The following TEX36 variants were observed in gnomAD, a reference collection of about 807,000 sequenced individuals.
The protein encoded by TEX36 is testis-expressed protein 36.
TEX36 carries 12 observed loss-of-function variants against 13.6 expected under a neutral mutation model. That is an observed-to-expected ratio of 0.88 (90% CI 0.56 to 1.43). The LOEUF is 1.43. Among genes scored for constraint, TEX36 ranks in the 40% most tolerant of loss-of-function variants. TEX36 has a pLI of 0.00. For missense variants in TEX36, 224 were observed against 228.3 expected, an observed-to-expected ratio of 0.98 and a Z score of 0.12; for synonymous variants, 93 against 83.0, an observed-to-expected ratio of 1.12 and a Z score of -0.65.
intron 3 of TEX36, among the ~76,000 whole-genome samples, chr10:125,646,215 A>G: frequency 6.6e-6 from 1 of 152,134 alleles, no homozygotes; most frequent in Non-Finnish European, 1.5e-5. Flanking sequence ...AGTTCCAGCT[A>G]CTTGGGAGGC....
At chr10:125,599,395 A>ATG (rs1846118868) in intron 3 of TEX36, among the ~76,000 whole-genome samples, 2 of 152,114 alleles carry the variant, frequency 1.3e-5, no homozygotes, top group Admixed American at 1.3e-4. Flanking sequence ...GTGTGTGCAT[A>ATG]TGTGTGTGTG....
chr10:125,576,543 C>A, exon 4 of TEX36: 1 of 634,136 alleles, frequency 1.6e-6, no homozygotes, highest in Non-Finnish European at 2.6e-6. Flanking sequence ...AGGGAGATAG[C>A]CCTATTAATA....
downstream of TEX36, among the ~76,000 whole-genome samples, chr10:125,651,754 T>A (rs1443089577): frequency 6.6e-6 from 1 of 152,184 alleles, no homozygotes; most frequent in Non-Finnish European, 1.5e-5. Context: ...AACCCCATCA[T>A]CTCAGCCCAA....
intron 3 of TEX36, among the ~76,000 whole-genome samples, chr10:125,588,443 C>T (rs1314992353): frequency 6.6e-6 from 1 of 152,206 alleles, no homozygotes; most frequent in African/African-American, 2.4e-5. Flanking sequence ...CACAGTTCTG[C>T]AGGCTCTACA....
chr10:125,660,383 C>A (rs984315448), intron 3 of TEX36, among the ~76,000 whole-genome samples: 1 of 152,164 alleles, frequency 6.6e-6, no homozygotes, highest in Non-Finnish European at 1.5e-5. Flanking sequence ...CCTCAGCCTC[C>A]CAAACTGCTG....
At chr10:125,612,817 A>C (rs1362766326) in intron 3 of TEX36, among the ~76,000 whole-genome samples, 6 of 151,922 alleles carry the variant, frequency 3.9e-5, no homozygotes, top group Non-Finnish European at 7.4e-5. Context: ...AGGAAAAAAA[A>C]AAACTATATA....
chr10:125,646,349 C>CA (rs1266448279), intron 3 of TEX36, among the ~76,000 whole-genome samples: 1 of 151,782 alleles, frequency 6.6e-6, no homozygotes, highest in Non-Finnish European at 1.5e-5. Context: ...CAAAATAAAA[C>CA]AAAAAATAAA....
downstream of TEX36, among the ~76,000 whole-genome samples, chr10:125,618,856 T>C (rs914016261): frequency 6.9e-6 from 1 of 144,878 alleles, no homozygotes. Context: ...CCTGTAATCC[T>C]AGCACTTTGG....
chr10:125,589,377 CA>C (rs1845995918), intron 3 of TEX36, among the ~76,000 whole-genome samples: 2 of 152,098 alleles, frequency 1.3e-5, no homozygotes. Flanking sequence ...TTAGAATTTC[CA>C]GAAAAGCATT....
Position 125,655,964 on chromosome 10 carries a change from A to G in TEX36, c.497T>C (p.Leu166Ser). Residue 166 changes from leucine (L) to serine (S), a missense_variant, in exon 4 of 4, where the codon TTG becomes TCG. By Grantham distance (145) the Leu-to-Ser change is moderately radical. Coordinates refer to ENST00000368821, the MANE Select transcript of TEX36 (RefSeq NM_001128202.3). ...FLPERSYTEV[L>S]KKKPKVRFTV... The stretch of plus-strand genomic sequence containing the variant: ...GAACCTTACTTTGGGCTTCTTTTTC[A>G]AAACCTCTGTATAGCTTCTCTCAGG... The G allele has an allele frequency of 6.5e-7, 1 of 1,549,162 alleles. No homozygotes were observed. Among genetic ancestry groups the G allele is most frequent in the Non-Finnish European group, 8.7e-7 (1 of 1,145,836 alleles).
intron 3 of TEX36, among the ~76,000 whole-genome samples, chr10:125,640,912 T>C (rs1846681097): frequency 6.6e-6 from 1 of 152,036 alleles, no homozygotes; most frequent in Admixed American, 6.5e-5. Flanking sequence ...CAACAGAACA[T>C]ATGGGAAGCC....
chr10:125,588,105 G>A (rs185013662), intron 3 of TEX36, among the ~76,000 whole-genome samples: 1 of 152,322 alleles, frequency 6.6e-6, no homozygotes, highest in Admixed American at 6.5e-5. Context: ...ATCACTTCAT[G>A]CACATGTGAG....
intron 3 of TEX36, among the ~76,000 whole-genome samples, chr10:125,641,361 TTCATATAGGAAA>T (rs1846689711): frequency 6.6e-6 from 1 of 152,194 alleles, no homozygotes; most frequent in Non-Finnish European, 1.5e-5. Flanking sequence ...AAAAGTTGGT[TTCATATAGGAAA>T]TCATCACTTT....
chr10:125,582,025 T>C (rs999044063), intron 3 of TEX36, among the ~76,000 whole-genome samples: 4 of 152,112 alleles, frequency 2.6e-5, no homozygotes, highest in African/African-American at 9.7e-5. Flanking sequence ...AAGCAGGGGC[T>C]CTCACCAGAC....
At chr10:125,618,923 G>T (rs1333975146), downstream of TEX36, among the ~76,000 whole-genome samples, 2 of 131,040 alleles carry the variant, frequency 1.5e-5, no homozygotes, top group Non-Finnish European at 3.1e-5. Context: ...TGGCTAACAC[G>T]GTGAAACCCC....
intron 3 of TEX36, among the ~76,000 whole-genome samples, chr10:125,577,872 G>C (rs914433731): frequency 2.6e-4 from 40 of 151,974 alleles, no homozygotes; most frequent in Non-Finnish European, 5.4e-4. Context: ...ACTTTTTTTG[G>C]TTTCCGGGGG....
chr10:125,664,707 C>A (rs1847097244), intron 1 of TEX36, among the ~76,000 whole-genome samples: 1 of 152,106 alleles, frequency 6.6e-6, no homozygotes, highest in African/African-American at 2.4e-5. Context: ...CTGAGGCCTC[C>A]CCAGCCATAC....
chr10:125,656,249 CTTTTTTTTTTTTT>C lies in TEX36; in HGVS notation c.265-66_265-54del, dbSNP rs66461124. 565 of 262,650 alleles carry C rather than the reference CTTTTTTTTTTTTT, an allele frequency of 2.2e-3. 7 individuals are homozygous for C. Among genetic ancestry groups the C allele is most frequent in the African/African-American group, 0.018 (478 of 25,930 alleles). 16.3% of individuals were successfully genotyped at this position (262,650 alleles called of 1,614,324 possible). On this transcript the variant is annotated intron_variant, in intron 3 of 3. Coordinates refer to ENST00000368821, the MANE Select transcript of TEX36 (RefSeq NM_001128202.3). ...GGAAAATATTCAAGTTCACATAGTT[CTTTTTTTTTTTTT>C]TTTTTTTTTTTTGAGACAGAGTCTT...
chr10:125,669,445 A>G (rs763166488), intron 1 of TEX36, among the ~76,000 whole-genome samples: 1 of 151,896 alleles, frequency 6.6e-6, no homozygotes, highest in African/African-American at 2.4e-5. Context: ...ATGCCATTGC[A>G]CTCCAGCCTG....
Sources: allele counts gnomAD v4.1 joint callset (sites outside exome capture counted in the v4.1 genomes callset), GRCh38; gene constraint gnomAD v4.1.1; transcripts MANE v1.5; gene names NCBI Gene and HGNC (gene_info 2026-07-23, HGNC 2026-07-21).